The following NOX4 variants were observed in gnomAD, a reference collection of about 807,000 sequenced individuals.
The protein encoded by NOX4 is NADPH oxidase 4.
NOX4 carries 69 observed loss-of-function variants against 87.6 expected under a neutral mutation model. The ratio of observed to expected loss-of-function variants is 0.79; its 90% confidence interval spans 0.65 to 0.96. The LOEUF is 0.96. Ranked by LOEUF, NOX4 falls within the 40% of genes least tolerant of loss-of-function variation. NOX4 has a pLI of 0.00. For synonymous variants in NOX4, 275 were observed against 238.2 expected, an observed-to-expected ratio of 1.15 and a Z score of -1.42; for missense variants, 680 against 681.5, an observed-to-expected ratio of 1.00 and a Z score of 0.02.
chr11:89,493,951 C>T (rs917031055), upstream of NOX4, among the ~76,000 whole-genome samples: 5 of 152,056 alleles, frequency 3.3e-5, no homozygotes, highest in African/African-American at 1.2e-4. Context: ...GACGGGGTTT[C>T]ACCACATTGG....
intron 11 of NOX4, among the ~76,000 whole-genome samples, chr11:89,394,276 C>G (rs1053543910): frequency 4.6e-5 from 7 of 151,920 alleles, no homozygotes; most frequent in African/African-American, 1.7e-4. Flanking sequence ...GTAAACTAAC[C>G]TCTATATTTT....
the NOX4 span, among the ~76,000 whole-genome samples, chr11:89,568,145 GC>G: frequency 9.2e-5 from 14 of 152,006 alleles, no homozygotes; most frequent in East Asian, 2.1e-3. Context: ...GCTGAGCCTG[GC>G]CCCCCGTGAA....
At chr11:89,511,311 G>A in the NOX4 span, among the ~76,000 whole-genome samples, 1 of 151,580 alleles carries the variant, frequency 6.6e-6, no homozygotes, top group Non-Finnish European at 1.5e-5. Flanking sequence ...ATTAACTGTG[G>A]GCATTACAGC....
intron 2 of NOX4, among the ~76,000 whole-genome samples, chr11:89,478,322 A>G (rs762918569): frequency 6.6e-5 from 10 of 152,238 alleles, no homozygotes; most frequent in Non-Finnish European, 1.3e-4. Context: ...AATTAATAAT[A>G]TAAATCTCAA....
the NOX4 span, chr11:89,577,229 T>C: frequency 1.8e-4 from 27 of 152,126 alleles, no homozygotes; most frequent in Non-Finnish European, 3.5e-4. Flanking sequence ...ATTTCAATAA[T>C]ATAAAAACAA....
chr11:89,488,320 A>T (rs1946711982), intron 2 of NOX4, among the ~76,000 whole-genome samples: 1 of 151,610 alleles, frequency 6.6e-6, no homozygotes, highest in Non-Finnish European at 1.5e-5. Flanking sequence ...ATGTGTCAGC[A>T]GTCCTTGAAG....
the NOX4 span, among the ~76,000 whole-genome samples, chr11:89,508,023 C>T: frequency 4.6e-5 from 7 of 151,896 alleles, no homozygotes; most frequent in Non-Finnish European, 7.4e-5. Context: ...TTATACGAAG[C>T]GCCCATTCAT....
chr11:89,396,633 G>A (rs1941508219), intron 11 of NOX4, among the ~76,000 whole-genome samples: 2 of 151,934 alleles, frequency 1.3e-5, no homozygotes, highest in Admixed American at 6.6e-5. Flanking sequence ...GATCTACCAA[G>A]CAAATGGAAA....
chr11:89,457,914 A>C (rs184038806), intron 2 of NOX4, among the ~76,000 whole-genome samples: 1 of 152,290 alleles, frequency 6.6e-6, no homozygotes, highest in Admixed American at 6.5e-5. Context: ...AAATAACACA[A>C]ACAAATGAAA....
chr11:89,581,814 A>G, the NOX4 span, among the ~76,000 whole-genome samples: 2 of 152,176 alleles, frequency 1.3e-5, no homozygotes, highest in Non-Finnish European at 2.9e-5. Flanking sequence ...TCTATGCCAT[A>G]AACTTATCTA....
At chr11:89,440,897 A>G (rs959073179) in intron 5 of NOX4, among the ~76,000 whole-genome samples, 182 bp from the exon 6 acceptor site, 2 of 152,154 alleles carry the variant, frequency 1.3e-5, no homozygotes, top group Admixed American at 1.3e-4. Context: ...GGAGATTACA[A>G]CAAGTAAAAA....
chr11:89,490,506 C>T lies in NOX4; in HGVS notation c.105G>A (p.Leu35=), dbSNP rs1946806224. The change falls in exon 2 of 18, where the codon TTG becomes TTA. Residue 35 remains leucine (L), a synonymous_variant. Transcript: ENST00000263317. The stretch of plus-strand genomic sequence containing the variant: ...GATACTCTGGCCCTTGGTTATACAG[C>T]AAGAAGGTTTTCCAGAAAAGCAGGA... ...MNVLLFWKTF[L]LYNQGPEYHY... The T allele has an allele frequency of 2.5e-6, 4 of 1,614,014 alleles. No individual in the cohort carries two copies. Among genetic ancestry groups the T allele is most frequent in the Non-Finnish European group, 3.4e-6 (4 of 1,179,966 alleles).
chr11:89,420,047 T>G (rs867610449), intron 8 of NOX4, among the ~76,000 whole-genome samples: 26 of 152,034 alleles, frequency 1.7e-4, no homozygotes, highest in Non-Finnish European at 3.1e-4. Flanking sequence ...TAACATCAAA[T>G]TCTCAGAAGT....
rs975051229 is a variant in NOX4, at chr11:89,324,798, C to T, written c.*1958G>A. On this transcript the variant is annotated 3_prime_UTR_variant, in exon 18 of 18. Coordinates refer to ENST00000263317, the MANE Select transcript of NOX4 (RefSeq NM_016931.5). ...CAAGACATACTAGTTATTAAATATGCCTTCAGAGCTAAATCTGCATGAGCA... is the reference window on the plus strand; with the variant it reads ...CAAGACATACTAGTTATTAAATATGTCTTCAGAGCTAAATCTGCATGAGCA... 6.6e-6 allele frequency: 1 copy of T among 152,124 alleles called. No homozygotes were observed. Among genetic ancestry groups the T allele is most frequent in the Non-Finnish European group, 1.5e-5 (1 of 68,020 alleles). The allele number at this position is 152,124 out of a possible 1,614,324, so 9.4% of individuals were successfully genotyped here.
the NOX4 span, among the ~76,000 whole-genome samples, chr11:89,579,846 T>C: frequency 2.0e-5 from 3 of 152,064 alleles, no homozygotes; most frequent in East Asian, 5.8e-4. Context: ...ATGATGTTGA[T>C]ATTATGAGTA....
chr11:89,545,084 A>G, the NOX4 span: 1 of 152,162 alleles, frequency 6.6e-6, no homozygotes, highest in Admixed American at 6.5e-5. Flanking sequence ...CTGTAAGTTG[A>G]ATAGAAGGAA....
chr11:89,559,844 G>A, the NOX4 span, among the ~76,000 whole-genome samples: 1 of 152,062 alleles, frequency 6.6e-6, no homozygotes, highest in African/African-American at 2.4e-5. Context: ...TGCAGACAGA[G>A]GAGACAATAC....
chr11:89,368,079 C>T (rs1939146029), intron 12 of NOX4, among the ~76,000 whole-genome samples: 1 of 152,022 alleles, frequency 6.6e-6, no homozygotes, highest in Non-Finnish European at 1.5e-5. Context: ...CCTGTCTCCA[C>T]TTCATTCTCA....
At chr11:89,373,103 T>C (rs1939568106) in intron 12 of NOX4, among the ~76,000 whole-genome samples, 1 of 151,740 alleles carries the variant, frequency 6.6e-6, no homozygotes, top group African/African-American at 2.4e-5. Flanking sequence ...TCATGTTTTC[T>C]AAGAAACACA....
Sources: allele counts gnomAD v4.1 joint callset (sites outside exome capture counted in the v4.1 genomes callset), GRCh38; gene constraint gnomAD v4.1.1; transcripts MANE v1.5; gene names NCBI Gene and HGNC (gene_info 2026-07-23, HGNC 2026-07-21).